ATRNL1: variants seen among roughly 807,000 people sequenced by gnomAD.
ATRNL1 encodes the protein attractin like 1, also known as attractin-like protein 1.
In ATRNL1, 95 loss-of-function variants were observed where a neutral mutation model predicts 182.7. The ratio of observed to expected loss-of-function variants is 0.52; its 90% confidence interval spans 0.44 to 0.62. The LOEUF is 0.62. Among genes scored for constraint, ATRNL1 ranks in the 20% least tolerant of loss-of-function variants. The pLI is 0.00. For synonymous variants in ATRNL1, 576 were observed against 568.3 expected, an observed-to-expected ratio of 1.01 and a Z score of -0.19; for missense variants, 1,471 against 1,679.5, an observed-to-expected ratio of 0.88 and a Z score of 2.17.
chr10:115,883,845 A>G lies in ATRNL1; in HGVS notation c.4018+35854A>G, dbSNP rs1186446736. ...TCTCTGACCAGTTCAGAAATGGCCT[A>G]CATTCATCAGATGCAGAGGCAGTCT... On this transcript the variant is annotated intron_variant, in intron 28 of 28. Transcript: ENST00000355044. Among the ~76,000 whole-genome samples, 8 of 152,350 alleles carry G rather than the reference A, an allele frequency of 5.3e-5. No individual in the cohort carries two copies. The South Asian group carries it at 1.7e-3, about 32-fold the overall frequency.
At chr10:115,902,169 G>T (rs923426113) in intron 28 of ATRNL1, among the ~76,000 whole-genome samples, 12 of 151,938 alleles carry the variant, frequency 7.9e-5, no homozygotes, top group Admixed American at 7.9e-4. Flanking sequence ...ATTAAATTGC[G>T]GTTGCAGTTG....
chr10:115,319,015 T>C (rs1343973281), intron 18 of ATRNL1, among the ~76,000 whole-genome samples: 2 of 152,310 alleles, frequency 1.3e-5, no homozygotes, highest in Non-Finnish European at 2.9e-5. Flanking sequence ...TCCAGCTTTC[T>C]CATGTGGGCA....
intron 24 of ATRNL1, among the ~76,000 whole-genome samples, chr10:115,490,241 C>T (rs1472966790): frequency 5.3e-5 from 8 of 151,976 alleles, no homozygotes; most frequent in African/African-American, 1.9e-4. Flanking sequence ...TTGTGGTGTT[C>T]TCTGTATTTC....
chr10:115,327,978 C>G (rs1288773484), intron 18 of ATRNL1, among the ~76,000 whole-genome samples: 1 of 151,884 alleles, frequency 6.6e-6, no homozygotes, highest in Non-Finnish European at 1.5e-5. Context: ...GGAGATATAC[C>G]TAATGCTAGA....
intron 28 of ATRNL1, among the ~76,000 whole-genome samples, chr10:115,859,713 G>A (rs1951267938): frequency 6.6e-6 from 1 of 152,088 alleles, no homozygotes; most frequent in Non-Finnish European, 1.5e-5. Flanking sequence ...TTAATCTCGG[G>A]TCCTCCCACA....
intron 21 of ATRNL1, among the ~76,000 whole-genome samples, chr10:115,443,004 A>AT (rs1425097181): frequency 1.3e-5 from 2 of 151,986 alleles, no homozygotes; most frequent in Admixed American, 6.6e-5. Flanking sequence ...TGTAAATTAA[A>AT]TTTTTTGTAG....
At chr10:115,346,834 A>G (rs556234867) in intron 19 of ATRNL1, among the ~76,000 whole-genome samples, 15 of 152,038 alleles carry the variant, frequency 9.9e-5, no homozygotes, top group Non-Finnish European at 1.9e-4. Flanking sequence ...GGTTGTGTTC[A>G]CTTTTTTGAT....
chr10:115,441,296 A>C (rs1178144237), intron 21 of ATRNL1, among the ~76,000 whole-genome samples: 2 of 151,820 alleles, frequency 1.3e-5, no homozygotes, highest in Admixed American at 6.6e-5. Flanking sequence ...CTATTGCACC[A>C]TTTCTGTATT....
At chr10:115,175,644 G>A (rs1056379757) in intron 8 of ATRNL1, among the ~76,000 whole-genome samples, 2 of 151,990 alleles carry the variant, frequency 1.3e-5, no homozygotes. Flanking sequence ...ACCATGGGCA[G>A]TTTCACATTC....
intron 28 of ATRNL1, among the ~76,000 whole-genome samples, chr10:115,913,679 C>A (rs1555116492): frequency 6.6e-6 from 1 of 152,190 alleles, no homozygotes; most frequent in African/African-American, 2.4e-5. Context: ...GCACTGCTCA[C>A]ATGTTCTAGT....
At chr10:115,294,116 T>G (rs1334180986) in intron 15 of ATRNL1, among the ~76,000 whole-genome samples, 2 of 152,240 alleles carry the variant, frequency 1.3e-5, no homozygotes, top group East Asian at 3.8e-4. Flanking sequence ...AAATGTTTCT[T>G]GTAAATGCTG....
At chr10:115,516,635 G>A (rs746363658) in intron 24 of ATRNL1, among the ~76,000 whole-genome samples, 3 of 151,626 alleles carry the variant, frequency 2.0e-5, no homozygotes, top group South Asian at 4.1e-4. Flanking sequence ...CATGGCCAAC[G>A]ACCTATGTGA....
At position 115,560,795 on chromosome 10, in the gene ATRNL1, A is replaced by G. The variant is rs569848603; in HGVS notation, c.3795+11259A>G. On this transcript the variant is annotated intron_variant, in intron 26 of 28. Transcript: ENST00000355044. ...GTAATCAAGATGGTGTGATATGGACATAAGACTGGACATTTGGATCCATAG... is the reference window on the plus strand; with the variant it reads ...GTAATCAAGATGGTGTGATATGGACGTAAGACTGGACATTTGGATCCATAG... Among the ~76,000 whole-genome samples, 6 of 152,330 alleles carry G rather than the reference A, an allele frequency of 3.9e-5. No individual in the cohort carries two copies. The South Asian group carries it at 1.0e-3, about 26-fold the overall frequency.
chr10:115,624,541 T>C (rs925155564), intron 26 of ATRNL1, among the ~76,000 whole-genome samples: 36 of 152,306 alleles, frequency 2.4e-4, no homozygotes, highest in Admixed American at 6.5e-4. Context: ...GAGAGTGGTA[T>C]GCAGAAGCTG....
chr10:115,383,840 T>C (rs1858175093), intron 19 of ATRNL1, among the ~76,000 whole-genome samples: 1 of 151,992 alleles, frequency 6.6e-6, no homozygotes, highest in Admixed American at 6.6e-5. Context: ...CTGTAAAATT[T>C]AGTTACCTTT....
chr10:115,904,348 T>C (rs994101881), intron 28 of ATRNL1, among the ~76,000 whole-genome samples: 5 of 152,190 alleles, frequency 3.3e-5, no homozygotes, highest in Admixed American at 6.5e-5. Flanking sequence ...GACTAGCACC[T>C]TTTTAGGCCA....
chr10:115,629,124 A>T (rs17093384), intron 26 of ATRNL1, among the ~76,000 whole-genome samples: 2 of 152,124 alleles, frequency 1.3e-5, no homozygotes, highest in African/African-American at 4.8e-5. Context: ...CATTATCCAC[A>T]ATGTTTTTAA....
chr10:115,250,052 A>G (rs555127024), intron 10 of ATRNL1, among the ~76,000 whole-genome samples: 7 of 152,320 alleles, frequency 4.6e-5, no homozygotes, highest in African/African-American at 1.7e-4. Context: ...TCTGGACAGC[A>G]GAGAATTCCC....
chr10:115,858,593 G>C (rs1951240031), intron 28 of ATRNL1, among the ~76,000 whole-genome samples: 1 of 152,144 alleles, frequency 6.6e-6, no homozygotes, highest in Admixed American at 6.5e-5. Context: ...TGCATGCTGG[G>C]CTTAAAACCT....
Sources: allele counts gnomAD v4.1 joint callset (sites outside exome capture counted in the v4.1 genomes callset), GRCh38; gene constraint gnomAD v4.1.1; transcripts MANE v1.5; gene names NCBI Gene and HGNC (gene_info 2026-07-23, HGNC 2026-07-21).